Variants in GRIP1 observed in about 807,000 individuals in gnomAD.
The protein encoded by GRIP1 is glutamate receptor-interacting protein 1.
GRIP1 carries 45 observed loss-of-function variants against 129.9 expected under a neutral mutation model. The observed-to-expected ratio is 0.35, with a 90% CI of 0.27 to 0.44. GRIP1 has a LOEUF of 0.44. Ranked by LOEUF, GRIP1 falls within the 20% of genes least tolerant of loss-of-function variation. The pLI is 1.00. For missense variants in GRIP1, 1,196 were observed against 1,396.8 expected, an observed-to-expected ratio of 0.86 and a Z score of 2.29; for synonymous variants, 530 against 520.8, an observed-to-expected ratio of 1.02 and a Z score of -0.24.
intron 1 of GRIP1, among the ~76,000 whole-genome samples, chr12:66,688,163 T>A (rs1369716016): frequency 6.6e-6 from 1 of 152,168 alleles, no homozygotes; most frequent in Non-Finnish European, 1.5e-5. Flanking sequence ...ATGGTCTCCA[T>A]TTTGCTAATT....
intron 1 of GRIP1, among the ~76,000 whole-genome samples, chr12:66,712,183 T>G (rs2136403476): frequency 6.6e-6 from 1 of 152,066 alleles, no homozygotes; most frequent in South Asian, 2.1e-4. Flanking sequence ...CTTCCAGATT[T>G]TAAGTTAAGC....
At chr12:66,868,871 A>G (rs1453770138) in intron 1 of GRIP1, among the ~76,000 whole-genome samples, 1 of 152,164 alleles carries the variant, frequency 6.6e-6, no homozygotes, top group African/African-American at 2.4e-5. Context: ...ACAGCGAAAC[A>G]TGAGGACAAA....
At chr12:67,006,766 C>T (rs1202052892) in intron 1 of GRIP1, among the ~76,000 whole-genome samples, 2 of 152,092 alleles carry the variant, frequency 1.3e-5, no homozygotes, top group Admixed American at 1.3e-4. Context: ...CAAAAAAGGG[C>T]TTTTGTTTGA....
At chr12:67,069,183 C>T, upstream of GRIP1, 3 of 866,394 alleles carry the variant, frequency 3.5e-6, no homozygotes, top group Non-Finnish European at 4.2e-6. Context: ...TCCGCGCCTC[C>T]TCGCTCGTCC....
intron 1 of GRIP1, among the ~76,000 whole-genome samples, chr12:66,990,305 G>C (rs2042375286): frequency 6.6e-6 from 1 of 152,152 alleles, no homozygotes; most frequent in African/African-American, 2.4e-5. Flanking sequence ...TTCAAATTCT[G>C]ATAAATAGTA....
chr12:66,965,898 G>T (rs1033983935), intron 1 of GRIP1, among the ~76,000 whole-genome samples: 1 of 152,082 alleles, frequency 6.6e-6, no homozygotes, highest in African/African-American at 2.4e-5. Flanking sequence ...TGCAGTTTCT[G>T]CCAGACAGTC....
Position 66,462,973 on chromosome 12 carries a change from C to A in GRIP1, c.993G>T (p.Glu331Asp), listed in dbSNP as rs2059178724. 1 of 1,613,908 alleles carries A rather than the reference C, an allele frequency of 6.2e-7. No individual in the cohort carries two copies. The highest frequency in any genetic ancestry group is 8.5e-7 in the Non-Finnish European group (1 of 1,180,006). The stretch of plus-strand genomic sequence containing the variant: ...GCCGGGTCTGATGATGGGGAAGGAT[C>A]TCAAGCTTGACCTGGTCAGTGGTGT... ...LANTTDQVKL[E>D]ILPHHQTRLA... The change falls in exon 9 of 25, where the codon GAG (glutamate) becomes GAT (aspartate). Residue 331 changes from glutamate to aspartate, a missense_variant. Physicochemically the swap from Glu to Asp is conservative, Grantham distance 45 (BLOSUM62 2). Transcript: ENST00000359742.
chr12:66,858,395 T>C (rs1021139097), intron 1 of GRIP1, among the ~76,000 whole-genome samples: 1 of 152,006 alleles, frequency 6.6e-6, no homozygotes, highest in African/African-American at 2.4e-5. Flanking sequence ...GTGAATCTAT[T>C]GTATGATATA....
chr12:66,728,904 C>T (rs2036340951), intron 1 of GRIP1, among the ~76,000 whole-genome samples: 1 of 152,126 alleles, frequency 6.6e-6, no homozygotes, highest in Non-Finnish European at 1.5e-5. Flanking sequence ...TCCCTCACTC[C>T]CCTTCCTCCC....
intron 1 of GRIP1, among the ~76,000 whole-genome samples, chr12:66,846,995 G>A (rs2039830189): frequency 1.3e-5 from 2 of 152,136 alleles, no homozygotes; most frequent in Admixed American, 6.6e-5. Flanking sequence ...GCATAAGTAG[G>A]GTAGGTGGAT....
At chr12:66,836,613 T>A (rs535390902) in intron 1 of GRIP1, among the ~76,000 whole-genome samples, 12 of 152,208 alleles carry the variant, frequency 7.9e-5, no homozygotes, top group Non-Finnish European at 1.8e-4. Flanking sequence ...ACATATCTTT[T>A]AACTTGTACA....
chr12:66,364,028 G>A (rs1239840212), intron 23 of GRIP1, among the ~76,000 whole-genome samples: 1 of 151,910 alleles, frequency 6.6e-6, no homozygotes, highest in African/African-American at 2.4e-5. Flanking sequence ...CAAGGAAGGT[G>A]GATCATGAGG....
At chr12:67,065,747 A>G (rs2135904627) in intron 1 of GRIP1, among the ~76,000 whole-genome samples, 1 of 152,322 alleles carries the variant, frequency 6.6e-6, no homozygotes, top group East Asian at 1.9e-4. Flanking sequence ...CCGGCAAAAG[A>G]AAAGCATCAT....
intron 7 of GRIP1, among the ~76,000 whole-genome samples, chr12:66,481,739 G>A (rs56077448): frequency 0.028 from 4,263 of 152,102 alleles, 176 homozygotes; most frequent in African/African-American, 0.093. Flanking sequence ...AAAATGTGGC[G>A]CATATATACC....
chr12:66,433,114 A>G (rs940929028), intron 13 of GRIP1, among the ~76,000 whole-genome samples: 2 of 152,054 alleles, frequency 1.3e-5, no homozygotes, highest in Non-Finnish European at 2.9e-5. Context: ...TATTGTTTGA[A>G]GGTACCTGGG....
intron 2 of GRIP1, among the ~76,000 whole-genome samples, chr12:66,562,310 T>C (rs895392542): frequency 2.6e-5 from 4 of 152,162 alleles, no homozygotes; most frequent in African/African-American, 9.7e-5. Flanking sequence ...ATGTCCATAT[T>C]TTCTATACGA....
intron 1 of GRIP1, among the ~76,000 whole-genome samples, chr12:67,036,387 A>G (rs1201700612): frequency 6.6e-6 from 1 of 151,342 alleles, no homozygotes; most frequent in Non-Finnish European, 1.5e-5. Context: ...CTGGAGTGCA[A>G]TGAGATCTCG....
intron 19 of GRIP1, 82 bp from the exon 20 acceptor site, chr12:66,379,518 G>T: frequency 7.3e-7 from 1 of 1,361,552 alleles, no homozygotes; most frequent in Non-Finnish European, 1.1e-6. Context: ...CAGTAGAGGA[G>T]TCAAATTATA....
chr12:66,780,282 G>A (rs546880568), intron 1 of GRIP1, among the ~76,000 whole-genome samples: 2 of 152,310 alleles, frequency 1.3e-5, no homozygotes, highest in East Asian at 1.9e-4. Context: ...TGATGGATGC[G>A]GGAACAGGAG....
Sources: gnomAD v4.1 joint callset for allele counts (sites outside exome capture counted in the v4.1 genomes callset) on GRCh38, gnomAD v4.1.1 for gene constraint, MANE v1.5 for transcripts, NCBI Gene and HGNC (gene_info 2026-07-23, HGNC 2026-07-21) for gene names.